The following BCAS3 variants were observed in gnomAD, a reference collection of about 807,000 sequenced individuals.
BCAS3 encodes the protein BCAS4/BCAS3 fusion.
In BCAS3, 53 loss-of-function variants were observed where a neutral mutation model predicts 116.1. That is an observed-to-expected ratio of 0.46 (90% CI 0.37 to 0.57). The LOEUF is 0.57. Ranked by LOEUF, BCAS3 falls within the 20% of genes least tolerant of loss-of-function variation. BCAS3 has a pLI of 0.00. For missense variants in BCAS3, 917 were observed against 1,165.4 expected (o/e 0.79, Z 3.10); for synonymous variants, 391 against 408.2 (o/e 0.96, Z 0.51).
At chr17:61,267,624 T>G (rs183264994) in intron 22 of BCAS3, among the ~76,000 whole-genome samples, 1 of 146,514 alleles carries the variant, frequency 6.8e-6, no homozygotes, top group Non-Finnish European at 1.5e-5. Flanking sequence ...GTAATCCTCC[T>G]GGATTACAGG....
intron 22 of BCAS3, among the ~76,000 whole-genome samples, chr17:61,350,492 C>T (rs1470611888): frequency 1.3e-5 from 2 of 151,856 alleles, no homozygotes; most frequent in Admixed American, 1.3e-4. Flanking sequence ...CCCAAAGGGA[C>T]TTAAATCATC....
intron 13 of BCAS3, 127 bp downstream of exon 13, chr17:60,924,627 TAA>T (rs1340058820): frequency 1.7e-6 from 1 of 597,612 alleles, no homozygotes. Flanking sequence ...GAAAAGTTAT[TAA>T]GTCATTATAT....
chr17:60,720,511 G>A (rs1045245761), intron 5 of BCAS3, among the ~76,000 whole-genome samples: 1 of 152,082 alleles, frequency 6.6e-6, no homozygotes. Context: ...CTAAAATATG[G>A]CAGTTGTATT....
intron 22 of BCAS3, among the ~76,000 whole-genome samples, chr17:61,311,610 A>C (rs1381417513): frequency 6.6e-6 from 1 of 152,126 alleles, no homozygotes; most frequent in African/African-American, 2.4e-5. Flanking sequence ...AATATAGGGC[A>C]GAGGCCAGGC....
In BCAS3 at chr17:60,792,757, T is replaced by C. The variant is rs1194319507; in HGVS notation, c.404-15247T>C. On this transcript the variant is annotated intron_variant, in intron 6 of 23. Transcript: ENST00000407086. ...GCTCACTTCTGCTTTGTGTTATGAG[T>C]TGAAGCTGACTGAAGCCCTCATCAG... Among the ~76,000 whole-genome samples the C allele has an allele frequency of 2.6e-5, 4 of 152,134 alleles. No homozygotes were observed. The South Asian group carries it at 6.2e-4, about 24-fold the overall frequency.
At chr17:61,113,963 T>C (rs1337997100) in intron 22 of BCAS3, among the ~76,000 whole-genome samples, 1 of 143,374 alleles carries the variant, frequency 7.0e-6, no homozygotes, top group Non-Finnish European at 1.5e-5. Flanking sequence ...TAATCCAGCA[T>C]ATAAACAGAG....
At chr17:60,760,458 T>C (rs937087215) in intron 6 of BCAS3, among the ~76,000 whole-genome samples, 5 of 151,734 alleles carry the variant, frequency 3.3e-5, no homozygotes, top group African/African-American at 1.2e-4. Context: ...TGAAGGATAA[T>C]TTTGCTGGAT....
intron 7 of BCAS3, chr17:60,821,740 C>T (rs970963618): frequency 3.9e-5 from 6 of 151,942 alleles, no homozygotes; most frequent in African/African-American, 1.5e-4. Context: ...GGCTGGAGTA[C>T]TGTGGTGCAA....
intron 4 of BCAS3, among the ~76,000 whole-genome samples, chr17:60,694,822 G>A (rs192324446): frequency 2.6e-5 from 4 of 151,862 alleles, no homozygotes; most frequent in Admixed American, 2.0e-4. Context: ...TTACATTGTC[G>A]TACAACCAGT....
Position 61,367,917 on chromosome 17 carries a change from A to G in BCAS3, c.2426-410A>G, listed in dbSNP as rs1230671354. On this transcript the variant is annotated intron_variant, in intron 22 of 23. Transcript: ENST00000407086. The surrounding 1 kb of genome is among the most constrained non-coding windows in gnomAD (Gnocchi z 6.2). Reference sequence around the variant, plus strand: ...CGCGTTGGCCTCTCAAAGTGTTGGGATTGCAGGTGTAAGGCACCACTCCCC... The same window carrying G: ...CGCGTTGGCCTCTCAAAGTGTTGGGGTTGCAGGTGTAAGGCACCACTCCCC... 2 of 155,064 alleles carry G rather than the reference A, an allele frequency of 1.3e-5. No individual in the cohort carries two copies. Among genetic ancestry groups the G allele is most frequent in the Non-Finnish European group, 2.8e-5 (2 of 70,194 alleles). 9.6% of individuals were successfully genotyped at this position (155,064 alleles called of 1,614,324 possible). A position where few individuals can be genotyped will look rare whatever the true frequency, so the allele number is the denominator to read the frequency against.
rs1257275567 is a variant in BCAS3, at chr17:61,038,009, C to T, written c.1883C>T (p.Pro628Leu). 1.2e-6 allele frequency: 2 copies of T among 1,614,168 alleles called. No individual in the cohort carries two copies. The highest frequency in any genetic ancestry group is 1.1e-5 in the South Asian group (1 of 91,082). ...STAPKISDDT[P>L]LEMMTSPRAS... ...GCACCCAAGATTAGTGACGACACAC[C>T]ACTGGAAATGATGACATCGCCTCGA... The change falls in exon 18 of 24, where the codon CCA becomes CTA. Residue 628 changes from proline (P) to leucine (L), a missense_variant. By Grantham distance (98) the Pro-to-Leu change is moderately conservative. This residue lies in a region of BCAS3 where 807 missense variants were observed against 1,026.0 expected (regional missense o/e 0.79). Coordinates refer to ENST00000407086, the MANE Select transcript of BCAS3 (RefSeq NM_017679.5).
intron 10 of BCAS3, among the ~76,000 whole-genome samples, chr17:60,890,180 G>A (rs1413718666): frequency 1.3e-5 from 2 of 152,192 alleles, no homozygotes; most frequent in Admixed American, 6.5e-5. Flanking sequence ...AAGGCTAGGC[G>A]TGATGGCTCA....
intron 22 of BCAS3, among the ~76,000 whole-genome samples, chr17:61,153,865 C>G (rs2077678503): frequency 6.6e-6 from 1 of 152,206 alleles, no homozygotes; most frequent in African/African-American, 2.4e-5. Context: ...GGGGTGAAAT[C>G]TGCCACTGTT....
chr17:61,383,480 C>G (rs1388591519), intron 23 of BCAS3: 1 of 152,430 alleles, frequency 6.6e-6, no homozygotes, highest in African/African-American at 2.4e-5. Flanking sequence ...CACCCCCACC[C>G]CTGTTGAACC....
rs1194579007 is a variant in BCAS3, at chr17:61,120,006, A to G, written c.2425+35442A>G. ...ATTAAAAAATTATTTACATGAATTA[A>G]CAATATATCATGTTCTGAATAAGGA... On this transcript the variant is annotated intron_variant, in intron 22 of 23. Coordinates refer to ENST00000407086, the MANE Select transcript of BCAS3 (RefSeq NM_017679.5). Among the ~76,000 whole-genome samples the G allele has an allele frequency of 3.3e-5, 5 of 152,212 alleles. 1 individual carries two copies. The highest frequency in any genetic ancestry group is 2.6e-4 in the Admixed American group (4 of 15,282).
At chr17:60,808,719 G>A (rs2048510715) in intron 7 of BCAS3, among the ~76,000 whole-genome samples, 1 of 152,154 alleles carries the variant, frequency 6.6e-6, no homozygotes, top group Non-Finnish European at 1.5e-5. Flanking sequence ...AATCATGAAA[G>A]CCTAATTTCT....
chr17:60,739,091 A>G (rs1463170159), intron 5 of BCAS3, among the ~76,000 whole-genome samples: 1 of 152,172 alleles, frequency 6.6e-6, no homozygotes, highest in Non-Finnish European at 1.5e-5. Context: ...TAACCAATGC[A>G]TGCCCACTTT....
intron 22 of BCAS3, among the ~76,000 whole-genome samples, chr17:61,238,541 C>T (rs531289021): frequency 1.3e-5 from 2 of 152,048 alleles, no homozygotes; most frequent in East Asian, 3.9e-4. Context: ...TTCTGCTTGA[C>T]CAATTCCATC....
In BCAS3 at chr17:61,007,698, C is replaced by T. The variant is rs1046460884; in HGVS notation, c.1487-8053C>T. 1.3e-5 allele frequency among the ~76,000 whole-genome samples: 2 copies of T among 150,464 alleles called. No homozygotes were observed. Among genetic ancestry groups the T allele is most frequent in the African/African-American group, 5.0e-5 (2 of 40,184 alleles). ...ACACTATCATTAATAATCTCAATCC[C>T]CATCCTGTTTAAAAAAAAAAAAGAA... On this transcript the variant is annotated intron_variant, in intron 15 of 23. Transcript: ENST00000407086. The surrounding 1 kb of genome is among the most constrained non-coding windows in gnomAD (Gnocchi z 4.3).
Sources: allele counts gnomAD v4.1 joint callset (sites outside exome capture counted in the v4.1 genomes callset), GRCh38; gene constraint gnomAD v4.1.1; regional missense constraint gnomAD v4.1.1; non-coding constraint Gnocchi (gnomAD v3.1); transcripts MANE v1.5; gene names NCBI Gene and HGNC (gene_info 2026-07-23, HGNC 2026-07-21).